Variants in ENPP3 observed in about 807,000 individuals in gnomAD.
The protein encoded by ENPP3 is ectonucleotide pyrophosphatase/phosphodiesterase family member 3.
A neutral mutation model predicts 117.8 loss-of-function variants in ENPP3; 104 were observed. That is an observed-to-expected ratio of 0.88 (90% CI 0.75 to 1.04). The LOEUF is 1.04. Ranked by LOEUF, ENPP3 falls within the 50% of genes least tolerant of loss-of-function variation. ENPP3 has a pLI of 0.00. For missense variants in ENPP3, 1,026 were observed against 1,051.9 expected (o/e 0.98, Z 0.34); for synonymous variants, 380 against 349.9 (o/e 1.09, Z -0.96).
intron 2 of ENPP3, among the ~76,000 whole-genome samples, chr6:131,647,350 T>C (rs1778173277): frequency 6.6e-6 from 1 of 152,224 alleles, no homozygotes; most frequent in African/African-American, 2.4e-5. Context: ...AATAATTTAA[T>C]AAATCCTCCC....
At chr6:131,736,147 C>T (rs1033250945) in intron 21 of ENPP3, among the ~76,000 whole-genome samples, 4 of 152,230 alleles carry the variant, frequency 2.6e-5, no homozygotes, top group Non-Finnish European at 4.4e-5. Context: ...AGCTGGGGTT[C>T]CCACTTGGGC....
At chr6:131,729,990 C>T (rs1780240944) in intron 20 of ENPP3, among the ~76,000 whole-genome samples, 1 of 152,116 alleles carries the variant, frequency 6.6e-6, no homozygotes, top group South Asian at 2.1e-4. Context: ...ACAACTTTTA[C>T]AGCCACAGCC....
intron 6 of ENPP3, among the ~76,000 whole-genome samples, chr6:131,659,381 G>A (rs757282508): frequency 1.3e-4 from 20 of 152,022 alleles, no homozygotes; most frequent in African/African-American, 3.4e-4. Context: ...ACTCCAAGGC[G>A]CACACTCTTC....
chr6:131,716,879 G>A (rs1585709704), intron 15 of ENPP3, among the ~76,000 whole-genome samples: 1 of 150,730 alleles, frequency 6.6e-6, no homozygotes, highest in Middle Eastern at 3.4e-3. Flanking sequence ...GCTGAGGCAG[G>A]AGAATCGCTT....
chr6:131,641,629 C>A, intron 2 of ENPP3, 99 bp downstream of exon 2: 1 of 727,930 alleles, frequency 1.4e-6, no homozygotes, highest in Non-Finnish European at 2.4e-6. Context: ...CTCCTCTGTC[C>A]TCCATGCAGC....
chr6:131,679,013 C>CCTTG (rs1562446814), intron 11 of ENPP3, among the ~76,000 whole-genome samples: 5 of 85,548 alleles, frequency 5.8e-5, no homozygotes, highest in Non-Finnish European at 1.2e-4. Context: ...TTCCTTCCTT[C>CCTTG]CTTCCTTCCT....
intron 6 of ENPP3, among the ~76,000 whole-genome samples, chr6:131,663,596 AGGCAGAAGGAT>A (rs1365556048): frequency 0.013 from 2,003 of 150,920 alleles, 45 homozygotes; most frequent in African/African-American, 0.045. Flanking sequence ...CAAGAGACTG[AGGCAGAAGGAT>A]CCCTTGAGCC....
Position 131,698,217 on chromosome 6 carries a change from C to T in ENPP3, c.1412+4593C>T, listed in dbSNP as rs546556724. On this transcript the variant is annotated intron_variant, in intron 15 of 24. Coordinates refer to ENST00000357639, the MANE Select transcript of ENPP3 (RefSeq NM_005021.5). ...CTTATTAGAACCTACCTGAAGGGAA[C>T]GTTTTTCTAGGACACAAAACACCGG... 4.0e-5 allele frequency among the ~76,000 whole-genome samples: 6 copies of T among 151,596 alleles called. No homozygotes were observed. The East Asian group carries it at 5.9e-4, about 15-fold the overall frequency.
chr6:131,639,263 A>T (rs868585934), intron 1 of ENPP3, among the ~76,000 whole-genome samples: 2,613 of 91,084 alleles, frequency 0.029, 60 homozygotes, highest in Admixed American at 0.093. Flanking sequence ...ATATATATAT[A>T]TATTTTTTTT....
intron 2 of ENPP3, 113 bp from the exon 3 acceptor site, chr6:131,649,914 A>G: frequency 7.2e-6 from 8 of 1,115,180 alleles, no homozygotes; most frequent in Admixed American, 2.0e-5. Flanking sequence ...CATAAAAATC[A>G]TCTAGTTGTC....
intron 15 of ENPP3, among the ~76,000 whole-genome samples, chr6:131,716,583 A>C (rs1056376046): frequency 2.0e-5 from 3 of 151,134 alleles, no homozygotes; most frequent in African/African-American, 7.3e-5. Flanking sequence ...CACAGAATTT[A>C]AAACTTAATT....
At chr6:131,683,963 G>A (rs1366595043) in intron 12 of ENPP3, among the ~76,000 whole-genome samples, 2 of 152,014 alleles carry the variant, frequency 1.3e-5, no homozygotes, top group South Asian at 2.1e-4. Flanking sequence ...GTGTTAGCCC[G>A]GTTAGTCTCA....
intron 2 of ENPP3, among the ~76,000 whole-genome samples, chr6:131,643,121 A>G (rs1043743650): frequency 6.6e-6 from 1 of 152,234 alleles, no homozygotes; most frequent in Non-Finnish European, 1.5e-5. Context: ...AGTATGACCT[A>G]GGAGCACAGT....
intron 15 of ENPP3, among the ~76,000 whole-genome samples, chr6:131,701,569 G>T (rs1158259722): frequency 6.8e-6 from 1 of 146,008 alleles, no homozygotes; most frequent in African/African-American, 2.6e-5. Flanking sequence ...ATTTGGTAAC[G>T]CTAAAATAAA....
Position 131,722,401 on chromosome 6 carries a change from A to C in ENPP3, c.1742A>C (p.Gln581Pro). 6.2e-7 allele frequency: 1 copy of C among 1,612,634 alleles called. No homozygotes were observed. The highest frequency in any genetic ancestry group is 1.7e-5 in the Admixed American group (1 of 59,690). Reference protein sequence around the residue: ...ESLDCFCPHLQNSTQLEQVNQ... With the variant: ...ESLDCFCPHLPNSTQLEQVNQ... ...CTTGACTGTTTCTGCCCTCACCTAC[A>C]AAATGTAAGTAACAACTTCATGCAT... is the stretch of plus-strand genomic sequence containing the variant. Residue 581 changes from glutamine to proline, a missense_variant, in exon 18 of 25, where the codon CAA becomes CCA. Coordinates refer to ENST00000357639, the MANE Select transcript of ENPP3 (RefSeq NM_005021.5).
At chr6:131,666,222 C>A (rs1778613937) in intron 6 of ENPP3, among the ~76,000 whole-genome samples, 1 of 151,920 alleles carries the variant, frequency 6.6e-6, no homozygotes, top group African/African-American at 2.4e-5. Context: ...AAAAAACCTG[C>A]TGATAGTTTT....
chr6:131,722,331 A>C lies in ENPP3; in HGVS notation c.1672A>C (p.Lys558Gln), dbSNP rs1190717687. ...GCCATCCCATGCAGAGGAGGTGTCA[A>C]AGTTTTCTGTTTGTGGCTTTGCTAA... The part of the protein sequence containing the change: ...YEPSHAEEVS[K>Q]FSVCGFANPL... Residue 558 changes from lysine to glutamine, a missense_variant, in exon 18 of 25, where the codon AAG becomes CAG. Lys to Gln is a moderately conservative substitution (Grantham distance 53). Coordinates refer to ENST00000357639, the MANE Select transcript of ENPP3 (RefSeq NM_005021.5). 3 of 1,613,922 alleles carry C rather than the reference A, an allele frequency of 1.9e-6. No homozygotes were observed. The highest frequency in any genetic ancestry group is 2.7e-5 in the African/African-American group (2 of 74,900).
chr6:131,723,961 C>A (rs1421075960), intron 18 of ENPP3, 79 bp from the exon 19 acceptor site: 13 of 1,012,302 alleles, frequency 1.3e-5, no homozygotes, highest in Non-Finnish European at 2.0e-5. Flanking sequence ...ACTACAGAAA[C>A]AATCTTGATT....
At chr6:131,663,479 G>A (rs1347778622) in intron 6 of ENPP3, among the ~76,000 whole-genome samples, 4 of 135,602 alleles carry the variant, frequency 2.9e-5, no homozygotes, top group Non-Finnish European at 6.1e-5. Context: ...TTGAGCCAAG[G>A]AATTCAAGAT....
Sources: allele counts gnomAD v4.1 joint callset (sites outside exome capture counted in the v4.1 genomes callset), GRCh38; gene constraint gnomAD v4.1.1; transcripts MANE v1.5; gene names NCBI Gene and HGNC (gene_info 2026-07-23, HGNC 2026-07-21).